CC2D2A: variants seen among roughly 807,000 people sequenced by gnomAD.
CC2D2A encodes coiled-coil and C2 domain-containing protein 2A.
Under a neutral mutation model 212.9 loss-of-function variants are expected in CC2D2A, and 155 were observed. That is an observed-to-expected ratio of 0.73 (90% CI 0.64 to 0.83). The LOEUF is 0.83. Ranked by LOEUF, CC2D2A falls within the 40% of genes least tolerant of loss-of-function variation. The probability of loss-of-function intolerance (pLI) is 0.00; values close to 1 mark genes in which losing one functional copy is unlikely to be tolerated. For missense variants in CC2D2A, 1,856 were observed against 1,956.2 expected, an observed-to-expected ratio of 0.95 and a Z score of 0.97; for synonymous variants, 667 against 686.5, an observed-to-expected ratio of 0.97 and a Z score of 0.44.
At chr4:15,509,360 G>T (rs1189942192) in intron 6 of CC2D2A, among the ~76,000 whole-genome samples, 1 of 150,200 alleles carries the variant, frequency 6.7e-6, no homozygotes, top group Non-Finnish European at 1.5e-5. Flanking sequence ...TGCAACCTCT[G>T]CCTCCCAGGT....
chr4:15,490,687 A>G (rs1715249621), intron 4 of CC2D2A, among the ~76,000 whole-genome samples: 1 of 152,038 alleles, frequency 6.6e-6, no homozygotes, highest in Non-Finnish European at 1.5e-5. Flanking sequence ...GGAGAAGACT[A>G]CCCCTCATAT....
At chr4:15,598,476 G>A (rs547503879) in intron 35 of CC2D2A, among the ~76,000 whole-genome samples, 6 of 152,170 alleles carry the variant, frequency 3.9e-5, no homozygotes, top group Admixed American at 3.9e-4. Context: ...GTAAAATCAG[G>A]ACAATATCCC....
chr4:15,537,072 T>A lies in CC2D2A; in HGVS notation c.1760T>A (p.Val587Glu). Residue 587 changes from valine to glutamate, a missense_variant, in exon 15 of 37, where the codon GTG (valine) becomes GAG (glutamate). Val to Glu is a moderately radical substitution (Grantham distance 121, BLOSUM62 -2). Around this residue, in one of 5 missense-constraint regions of CC2D2A, gnomAD observed 1,512 missense variants for 1,579.3 expected, o/e 0.96. Transcript: ENST00000424120. ...SLQQWKAWRK[V>E]QRAKKKKRKQ... ...CAACAGTGGAAGGCCTGGAGGAAAG[T>A]GCAAGTGTGTAAACAAACACTCAGC... is the stretch of plus-strand genomic sequence containing the variant. 6.2e-7 allele frequency: 1 copy of A among 1,613,064 alleles called. No homozygotes were observed. Among genetic ancestry groups the A allele is most frequent in the Non-Finnish European group, 8.5e-7 (1 of 1,179,340 alleles).
At position 15,569,190 on chromosome 4, in the gene CC2D2A, C is replaced by T; in HGVS notation, c.3399-103C>T. ...ATGAAAGCAATGCTTTTAATTCTAA[C>T]ATCTATGCTCATATTTGGGTATTTT... On this transcript the variant is annotated intron_variant, in intron 26 of 36. Coordinates refer to ENST00000424120, the MANE Select transcript of CC2D2A (RefSeq NM_001378615.1). 5 of 664,504 alleles carry T rather than the reference C, an allele frequency of 7.5e-6. No homozygotes were observed. In the South Asian group the frequency reaches 9.2e-5, roughly 12 times the overall value. The allele number at this position is 664,504 out of a possible 1,614,324, so 41.2% of individuals were successfully genotyped here.
chr4:15,506,078 A>G (rs1716239158), intron 6 of CC2D2A, among the ~76,000 whole-genome samples: 1 of 152,236 alleles, frequency 6.6e-6, no homozygotes, highest in Non-Finnish European at 1.5e-5. Flanking sequence ...GAATTTCTAG[A>G]TGGATATGTG....
chr4:15,535,531 A>C (rs941538797), intron 14 of CC2D2A, among the ~76,000 whole-genome samples: 3 of 151,378 alleles, frequency 2.0e-5, no homozygotes, highest in African/African-American at 4.9e-5. Context: ...TTTTCCCACA[A>C]AAAAAAAACT....
chr4:15,494,534 A>G (rs1715502000), intron 4 of CC2D2A, among the ~76,000 whole-genome samples: 1 of 152,206 alleles, frequency 6.6e-6, no homozygotes, highest in Non-Finnish European at 1.5e-5. Flanking sequence ...TCATGTAGTG[A>G]CACTTTCACA....
In CC2D2A at chr4:15,557,390, A is replaced by T; in HGVS notation, c.2712A>T (p.Glu904Asp). 6.2e-7 allele frequency: 1 copy of T among 1,613,744 alleles called. No homozygotes were observed. Among genetic ancestry groups the T allele is most frequent in the Non-Finnish European group, 8.5e-7 (1 of 1,179,726 alleles). The change falls in exon 21 of 37, where the codon GAA becomes GAT. Residue 904 changes from glutamate (E) to aspartate (D), a missense_variant. Glu to Asp is a conservative substitution (Grantham distance 45, BLOSUM62 2). Coordinates refer to ENST00000424120, the MANE Select transcript of CC2D2A (RefSeq NM_001378615.1). Reference protein sequence around the residue: ...QQEFNFVSDQELNRSKRFRLL... With the variant: ...QQEFNFVSDQDLNRSKRFRLL... ...AGTTTAACTTTGTTTCAGATCAAGA[A>T]TTAAATAGATCCAAACGATTTAGGC...
rs1392677458 is a variant in CC2D2A at position 15,514,688 on chromosome 4, A to T, written c.718-19A>T. On this transcript the variant is annotated intron_variant, in intron 8 of 36. Coordinates refer to ENST00000424120, the MANE Select transcript of CC2D2A (RefSeq NM_001378615.1). Reference sequence around the variant, plus strand: ...AATCTTAGCATGATTTTTTCTTGTTACTTTTTAACATTATGCAGGATGAGG... The same window carrying T: ...AATCTTAGCATGATTTTTTCTTGTTTCTTTTTAACATTATGCAGGATGAGG... 2 of 1,468,062 alleles carry T rather than the reference A, an allele frequency of 1.4e-6. No homozygotes were observed. The highest frequency in any genetic ancestry group is 9.1e-7 in the Non-Finnish European group (1 of 1,100,654). The allele number at this position is 1,468,062 out of a possible 1,614,324, so 90.9% of individuals were successfully genotyped here.
rs774120292 is a variant in CC2D2A at position 15,574,326 on chromosome 4, G to A, written c.3771G>A (p.Lys1257=). ...TTCCTGGAGAGTCCATTCGAGAAAA[G>A]GTAACTACTTATAGTTTGGAAACCC... ...QLVPGESIRE[K]FESQEDEKLL... Residue 1257 remains lysine (K), a splice_region_variant and synonymous_variant, in exon 29 of 37, where the codon AAG becomes AAA. Transcript: ENST00000424120. The A allele has an allele frequency of 3.2e-6, 5 of 1,545,154 alleles. No homozygotes were observed. Among genetic ancestry groups the A allele is most frequent in the Non-Finnish European group, 4.4e-6 (5 of 1,143,902 alleles).
Position 15,478,771 on chromosome 4 carries a change from A to G in CC2D2A, c.88A>G (p.Asn30Asp), listed in dbSNP as rs1236305066. The change falls in exon 3 of 37, where the codon AAC becomes GAC. Residue 30 changes from asparagine to aspartate, a missense_variant. Asn to Asp is a conservative substitution (Grantham distance 23). Around this residue, in one of 5 missense-constraint regions of CC2D2A, gnomAD observed 1,512 missense variants for 1,579.3 expected, o/e 0.96. Coordinates refer to ENST00000424120, the MANE Select transcript of CC2D2A (RefSeq NM_001378615.1). ...EDADMGRQNK[N>D]SKVRRQPRKK... ...TGCAGACATGGGAAGACAGAATAAG[A>G]ACTCAAAGGTTCGAAGACAGCCAAG... 1 of 1,555,248 alleles carries G rather than the reference A, an allele frequency of 6.4e-7. No homozygotes were observed. Among genetic ancestry groups the G allele is most frequent in the Admixed American group, 1.9e-5 (1 of 51,334 alleles).
At position 15,528,611 on chromosome 4, in the gene CC2D2A, C is replaced by T. The variant is rs763775026; in HGVS notation, c.1360-9C>T. On this transcript the variant is annotated splice_polypyrimidine_tract_variant and intron_variant, in intron 12 of 36. Coordinates refer to ENST00000424120, the MANE Select transcript of CC2D2A (RefSeq NM_001378615.1). Reference sequence around the variant, plus strand: ...TGTAACCCAAAACTTGTATCCATGTCGTTTTAAGCTCCAAGCTTTAAGAAA... The same window carrying T: ...TGTAACCCAAAACTTGTATCCATGTTGTTTTAAGCTCCAAGCTTTAAGAAA... 1.6e-5 allele frequency: 26 copies of T among 1,611,140 alleles called. 1 individual carries two copies. Among genetic ancestry groups the T allele is most frequent in the Non-Finnish European group, 2.1e-5 (25 of 1,177,436 alleles).
intron 4 of CC2D2A, chr4:15,481,956 G>A (rs1483734778): frequency 7.1e-6 from 7 of 985,264 alleles, no homozygotes; most frequent in African/African-American, 1.7e-5. Flanking sequence ...CCCTACACAC[G>A]CCTTTTCTTC....
At chr4:15,500,467 G>A (rs1024363325) in intron 4 of CC2D2A, among the ~76,000 whole-genome samples, 1 of 152,036 alleles carries the variant, frequency 6.6e-6, no homozygotes, top group Non-Finnish European at 1.5e-5. Flanking sequence ...GAATGCCAAA[G>A]GCCATTTTAT....
chr4:15,553,406 TGTCAG>T, intron 19 of CC2D2A, 101 bp downstream of exon 19: 1 of 1,306,512 alleles, frequency 7.7e-7, no homozygotes, highest in South Asian at 1.4e-5. Flanking sequence ...TTCCTTTTAT[TGTCAG>T]GTGCCAGTAT....
At chr4:15,492,680 C>T in intron 4 of CC2D2A, 1 of 632,328 alleles carries the variant, frequency 1.6e-6, no homozygotes. Flanking sequence ...GAGGGTCTCT[C>T]TCTTCCTTTC....
chr4:15,482,226 G>C (rs906497562), intron 4 of CC2D2A: 33 of 985,014 alleles, frequency 3.4e-5, no homozygotes, highest in Non-Finnish European at 3.9e-5. Flanking sequence ...GATACAATGA[G>C]AGCTGTTATG....
At chr4:15,482,174 G>A (rs1714714397) in intron 4 of CC2D2A, 9 of 985,314 alleles carry the variant, frequency 9.1e-6, no homozygotes, top group Non-Finnish European at 1.1e-5. Context: ...GAAGCAAGTA[G>A]ACTCTTAGAT....
At chr4:15,479,204 A>G in intron 3 of CC2D2A, 1 of 1,529,486 alleles carries the variant, frequency 6.5e-7, no homozygotes, top group Non-Finnish European at 8.8e-7. Context: ...TCCAAGCCCA[A>G]ATTCTGTCTT....
Sources: gnomAD v4.1 joint callset for allele counts (sites outside exome capture counted in the v4.1 genomes callset) on GRCh38, gnomAD v4.1.1 for gene constraint, gnomAD v4.1.1 regional missense constraint, MANE v1.5 for transcripts, NCBI Gene and HGNC (gene_info 2026-07-23, HGNC 2026-07-21) for gene names.